Variants in MYO3B observed in about 807,000 individuals in gnomAD.
MYO3B encodes the protein myosin-IIIb.
A neutral mutation model predicts 174.6 loss-of-function variants in MYO3B; 156 were observed. The ratio of observed to expected loss-of-function variants is 0.89; its 90% CI spans 0.78 to 1.02. MYO3B has a LOEUF of 1.02. Among genes scored for constraint, MYO3B ranks in the 50% least tolerant of loss-of-function variants. MYO3B has a pLI of 0.00. For missense variants in MYO3B, 1,632 were observed against 1,639.4 expected (o/e 1.00, Z 0.08); for synonymous variants, 563 against 569.1 (o/e 0.99, Z 0.15).
intron 32 of MYO3B, among the ~76,000 whole-genome samples, chr2:170,558,859 C>T (rs1389466450): frequency 6.6e-6 from 1 of 152,234 alleles, no homozygotes; most frequent in East Asian, 1.9e-4. Flanking sequence ...TTAACTTAAT[C>T]TCCCTATATC....
In MYO3B at chr2:170,349,020, C is replaced by T. The variant is rs1461371888; in HGVS notation, c.815+13570C>T. Among the ~76,000 whole-genome samples, 3 of 152,192 alleles carry T rather than the reference C, an allele frequency of 2.0e-5. No individual in the cohort carries two copies. The South Asian group carries it at 6.2e-4, about 31-fold the overall frequency. ...GCACAAAACAGTCAGTGTGATCTTT[C>T]TGAATCCCTAAACTGATCAAGTCAT... On this transcript the variant is annotated intron_variant, in intron 8 of 34. Transcript: ENST00000408978.
intron 32 of MYO3B, among the ~76,000 whole-genome samples, chr2:170,630,524 G>C (rs555713038): frequency 3.9e-5 from 6 of 152,188 alleles, no homozygotes; most frequent in Non-Finnish European, 8.8e-5. Flanking sequence ...ACGTCCCTGT[G>C]TGACAGCTCT....
intron 3 of MYO3B, among the ~76,000 whole-genome samples, chr2:170,209,873 A>G (rs2092753393): frequency 6.6e-6 from 1 of 152,180 alleles, no homozygotes; most frequent in Admixed American, 6.5e-5. Context: ...ATTGAACACC[A>G]TTTTGGCAAT....
intron 25 of MYO3B, among the ~76,000 whole-genome samples, chr2:170,493,161 G>A (rs1386336197): frequency 6.6e-5 from 10 of 152,210 alleles, no homozygotes; most frequent in East Asian, 5.8e-4. Flanking sequence ...GCATAATAAC[G>A]TGTAACATGG....
chr2:170,382,018 A>T lies in MYO3B; in HGVS notation c.974A>T (p.His325Leu). 1.9e-6 allele frequency: 3 copies of T among 1,611,870 alleles called. No individual in the cohort carries two copies. Among genetic ancestry groups the T allele is most frequent in the Non-Finnish European group, 2.5e-6 (3 of 1,178,316 alleles). ...KHQNPVAKTRHERMHTRRPYH... is the reference protein window; with the variant it reads ...KHQNPVAKTRLERMHTRRPYH... ...AAACTCTCTTGATAAATTTCTAGGCATGAGAGGATGCATACCAGAAGACCT... is the reference window on the plus strand; with the variant it reads ...AAACTCTCTTGATAAATTTCTAGGCTTGAGAGGATGCATACCAGAAGACCT... The change falls in exon 10 of 35, where the codon CAT becomes CTT. Residue 325 changes from histidine (H) to leucine (L), a missense_variant and splice_region_variant. His to Leu is a moderately conservative substitution (Grantham distance 99). Transcript: ENST00000408978.
At chr2:170,364,395 AC>A in intron 8 of MYO3B, among the ~76,000 whole-genome samples, 1 of 152,290 alleles carries the variant, frequency 6.6e-6, no homozygotes, top group African/African-American at 2.4e-5. Context: ...AACTCTTTTG[AC>A]TAGGAAACTA....
At chr2:170,448,051 G>A (rs190069502) in intron 23 of MYO3B, among the ~76,000 whole-genome samples, 6 of 152,262 alleles carry the variant, frequency 3.9e-5, no homozygotes, top group Admixed American at 3.9e-4. Flanking sequence ...GCAATCTGGG[G>A]AGGTTTAGAG....
At chr2:170,608,530 T>C (rs873440) in intron 32 of MYO3B, among the ~76,000 whole-genome samples, 15,788 of 152,050 alleles carry the variant, frequency 0.1, 2,729 homozygotes, top group African/African-American at 0.36. Context: ...TCTCCAGAGG[T>C]GGCACTTCAG....
chr2:170,621,798 C>T (rs1695941729), intron 32 of MYO3B, among the ~76,000 whole-genome samples: 1 of 152,108 alleles, frequency 6.6e-6, no homozygotes, highest in South Asian at 2.1e-4. Context: ...CGTGAGCCAC[C>T]AGGCATTAGC....
At chr2:170,219,413 G>C (rs567906749) in intron 6 of MYO3B, among the ~76,000 whole-genome samples, 2 of 152,262 alleles carry the variant, frequency 1.3e-5, no homozygotes, top group Non-Finnish European at 2.9e-5. Context: ...GGAGGCCGAC[G>C]CAGGCAGATC....
intron 7 of MYO3B, among the ~76,000 whole-genome samples, chr2:170,284,985 T>C (rs969108811): frequency 6.6e-6 from 1 of 152,254 alleles, no homozygotes; most frequent in African/African-American, 2.4e-5. Flanking sequence ...CATCTTGCTT[T>C]TGAGTTGCTA....
At chr2:170,491,458 T>TCTCA (rs71006096) in intron 25 of MYO3B, among the ~76,000 whole-genome samples, 83,050 of 151,402 alleles carry the variant, frequency 0.55, 22,848 homozygotes, top group East Asian at 0.63. Context: ...TAAGACGGAG[T>TCTCA]CTCTGTCGAC....
At position 170,200,191 on chromosome 2, in the gene MYO3B, G is replaced by C; in HGVS notation, c.228G>C (p.Gln76His). Reference protein sequence around the residue: ...EEIEAEYNILQFLPNHPNVVK... With the variant: ...EEIEAEYNILHFLPNHPNVVK... ...TTGAGGCAGAATACAACATTTTGCA[G>C]TTCCTTCCTAATCATCCCAATGTTG... is the stretch of plus-strand genomic sequence containing the variant. Residue 76 changes from glutamine to histidine, a missense_variant, in exon 3 of 35, where the codon CAG becomes CAC. Gln to His is a conservative substitution (Grantham distance 24). Coordinates refer to ENST00000408978, the MANE Select transcript of MYO3B (RefSeq NM_138995.5). 1.9e-6 allele frequency: 3 copies of C among 1,613,524 alleles called. No homozygotes were observed. The highest frequency in any genetic ancestry group is 2.5e-6 in the Non-Finnish European group (3 of 1,179,668).
chr2:170,580,732 G>A lies in MYO3B; in HGVS notation c.3733+36744G>A, dbSNP rs879276466. Among the ~76,000 whole-genome samples the A allele has an allele frequency of 2.3e-3, 339 of 150,326 alleles. 4 individuals are homozygous for A. The East Asian group carries it at 0.042, about 19-fold the overall frequency. Reference sequence around the variant, plus strand: ...AAACCTTATATATGTGTGTGTGTGTGTGTGTGTGTGTGTGTGTGTGTGTGT... The same window carrying A: ...AAACCTTATATATGTGTGTGTGTGTATGTGTGTGTGTGTGTGTGTGTGTGT... On this transcript the variant is annotated intron_variant, in intron 32 of 34. Coordinates refer to ENST00000408978, the MANE Select transcript of MYO3B (RefSeq NM_138995.5).
intron 7 of MYO3B, among the ~76,000 whole-genome samples, chr2:170,293,040 G>A (rs541447282): frequency 2.0e-5 from 3 of 152,218 alleles, no homozygotes; most frequent in Admixed American, 1.3e-4. Flanking sequence ...GCACCATGAG[G>A]GGGAGAGGCC....
chr2:170,594,130 G>A (rs187038052), intron 32 of MYO3B, among the ~76,000 whole-genome samples: 9 of 152,176 alleles, frequency 5.9e-5, no homozygotes, highest in Admixed American at 2.0e-4. Flanking sequence ...TCATCTATCC[G>A]AATCAACTAT....
In MYO3B at chr2:170,401,545, C is replaced by T. The variant is rs773563901; in HGVS notation, c.1983C>T (p.Val661=). 1.2e-5 allele frequency: 20 copies of T among 1,614,054 alleles called. No individual in the cohort carries two copies. Among genetic ancestry groups the T allele is most frequent in the Admixed American group, 1.7e-5 (1 of 60,002 alleles). ...AGGCCCTCACCTCCCACTGTGTGGT[C>T]ACCCGGGGCGAGACCATCATCCGTG... ...LQEALTSHCV[V]TRGETIIRAN... The change falls in exon 18 of 35, where the codon GTC becomes GTT. Residue 661 remains valine (V), a synonymous_variant. Coordinates refer to ENST00000408978, the MANE Select transcript of MYO3B (RefSeq NM_138995.5).
intron 23 of MYO3B, among the ~76,000 whole-genome samples, chr2:170,449,783 A>T (rs370205817): frequency 6.6e-6 from 1 of 152,090 alleles, no homozygotes; most frequent in Non-Finnish European, 1.5e-5. Context: ...GTCTCAAAAA[A>T]AAAAAAGAAA....
At chr2:170,636,985 T>TGTGTGTGTGTGC (rs1035033364) in intron 32 of MYO3B, among the ~76,000 whole-genome samples, 2 of 151,696 alleles carry the variant, frequency 1.3e-5, no homozygotes, top group African/African-American at 4.8e-5. Flanking sequence ...TGTGTGTGTG[T>TGTGTGTGTGTGC]GTGTAGGCAA....
Sources: gnomAD v4.1 joint callset for allele counts (sites outside exome capture counted in the v4.1 genomes callset) on GRCh38, gnomAD v4.1.1 for gene constraint, MANE v1.5 for transcripts, NCBI Gene and HGNC (gene_info 2026-07-23, HGNC 2026-07-21) for gene names.